The following LUZP2 variants were observed in gnomAD, a reference collection of about 807,000 sequenced individuals.
LUZP2 encodes the protein leucine zipper protein 2.
LUZP2 carries 52 observed loss-of-function variants against 51.6 expected under a neutral mutation model. The ratio of observed to expected loss-of-function variants is 1.01; its 90% confidence interval spans 0.81 to 1.27. The LOEUF (loss-of-function observed/expected upper bound fraction) is 1.27, where lower values mean the gene tolerates loss of function less well. LUZP2 is among the 50% of genes most tolerant of loss of function. The pLI, the probability that LUZP2 is intolerant of heterozygous loss-of-function variation, is 0.00. For synonymous variants in LUZP2, 154 were observed against 137.3 expected (o/e 1.12, Z -0.85); for missense variants, 436 against 395.4 (o/e 1.10, Z -0.87).
At chr11:24,587,011 T>C (rs908368709) in intron 1 of LUZP2, among the ~76,000 whole-genome samples, 4 of 152,082 alleles carry the variant, frequency 2.6e-5, no homozygotes, top group African/African-American at 9.7e-5. Flanking sequence ...ATAATTTTTT[T>C]AAAAAATTGC....
At chr11:24,916,256 C>T (rs984647797) in intron 7 of LUZP2, among the ~76,000 whole-genome samples, 63 of 152,004 alleles carry the variant, frequency 4.1e-4, no homozygotes, top group African/African-American at 1.5e-3. Context: ...TTTATATCCT[C>T]CTTGATTCCA....
chr11:24,626,750 A>G (rs1220720922), intron 1 of LUZP2, among the ~76,000 whole-genome samples: 2 of 149,214 alleles, frequency 1.3e-5, no homozygotes, highest in African/African-American at 5.0e-5. Flanking sequence ...TAAAATCAAT[A>G]CTGAGAAGAT....
intron 9 of LUZP2, among the ~76,000 whole-genome samples, chr11:25,028,878 T>G (rs1328073083): frequency 6.6e-6 from 1 of 152,186 alleles, no homozygotes. Context: ...TAAATCATTT[T>G]GCTTATTTGG....
chr11:25,021,564 T>C (rs779399443), intron 9 of LUZP2, among the ~76,000 whole-genome samples: 1 of 151,534 alleles, frequency 6.6e-6, no homozygotes, highest in Non-Finnish European at 1.5e-5. Flanking sequence ...TAGTGTGTGT[T>C]TGAGGTATTA....
chr11:24,857,659 G>A (rs1851612153), intron 5 of LUZP2, among the ~76,000 whole-genome samples: 1 of 151,048 alleles, frequency 6.6e-6, no homozygotes, highest in South Asian at 2.1e-4. Flanking sequence ...GTGAACGCTT[G>A]AAAAAGTGAT....
chr11:24,764,490 TAAAAAAAAAA>T (rs869045272), intron 5 of LUZP2, among the ~76,000 whole-genome samples: 5,031 of 94,040 alleles, frequency 0.053, 321 homozygotes, highest in African/African-American at 0.15. Context: ...ATCTCATCTC[TAAAAAAAAAA>T]AAAAAAAAAA....
intron 6 of LUZP2, among the ~76,000 whole-genome samples, chr11:24,912,953 T>C (rs1352106551): frequency 6.6e-6 from 1 of 152,212 alleles, no homozygotes; most frequent in East Asian, 1.9e-4. Context: ...AAAAAGGGCT[T>C]GTATATCAAC....
intron 5 of LUZP2, among the ~76,000 whole-genome samples, chr11:24,775,320 G>A (rs1565131972): frequency 1.3e-5 from 2 of 152,024 alleles, no homozygotes; most frequent in African/African-American, 4.8e-5. Flanking sequence ...CATTTTGATA[G>A]TGCATTGTGG....
intron 1 of LUZP2, among the ~76,000 whole-genome samples, chr11:24,583,325 GTCCCTTTAT>G (rs1852941884): frequency 6.6e-6 from 1 of 152,062 alleles, no homozygotes; most frequent in East Asian, 1.9e-4. Context: ...CTTACACTCT[GTCCCTTTAT>G]TCTCTGCTAG....
chr11:24,863,204 T>G (rs1022854304), intron 5 of LUZP2, among the ~76,000 whole-genome samples: 3 of 152,206 alleles, frequency 2.0e-5, no homozygotes, highest in Non-Finnish European at 4.4e-5. Context: ...TTCCTAAATA[T>G]GTATGCAAAA....
intron 1 of LUZP2, among the ~76,000 whole-genome samples, chr11:24,630,386 C>T (rs549150193): frequency 3.3e-5 from 5 of 151,864 alleles, no homozygotes; most frequent in African/African-American, 7.2e-5. Context: ...AATAAGGGTC[C>T]GGTTTTATTC....
chr11:24,637,548 A>G (rs1228801535), intron 1 of LUZP2, among the ~76,000 whole-genome samples: 1 of 151,828 alleles, frequency 6.6e-6, no homozygotes, highest in Admixed American at 6.6e-5. Flanking sequence ...TAGGAGAGAT[A>G]TTGCTGAATT....
At chr11:25,010,080 C>A (rs1856939600) in intron 9 of LUZP2, among the ~76,000 whole-genome samples, 1 of 152,170 alleles carries the variant, frequency 6.6e-6, no homozygotes, top group Non-Finnish European at 1.5e-5. Flanking sequence ...TGGTACCATT[C>A]CAGAATTTCC....
chr11:24,519,792 TA>T (rs1002769122), intron 1 of LUZP2, among the ~76,000 whole-genome samples: 1 of 152,210 alleles, frequency 6.6e-6, no homozygotes, highest in African/African-American at 2.4e-5. Flanking sequence ...GCATCTTTTT[TA>T]AAAAAGGCTT....
intron 1 of LUZP2, among the ~76,000 whole-genome samples, chr11:24,678,083 G>T (rs974836790): frequency 7.3e-6 from 1 of 137,118 alleles, no homozygotes; most frequent in Non-Finnish European, 1.6e-5. Context: ...AAAGGGGGGG[G>T]GGGGTGATTA....
At chr11:24,748,541 C>A (rs1477634890) in intron 4 of LUZP2, among the ~76,000 whole-genome samples, 3 of 151,808 alleles carry the variant, frequency 2.0e-5, no homozygotes, top group Non-Finnish European at 2.9e-5. Context: ...CTCCCTGCAA[C>A]CTCCACCACC....
chr11:25,037,761 T>C (rs1414731258), intron 9 of LUZP2, among the ~76,000 whole-genome samples: 2 of 152,284 alleles, frequency 1.3e-5, no homozygotes, highest in Admixed American at 1.3e-4. Flanking sequence ...ATTTTTTTTT[T>C]CTTCATGAAT....
intron 1 of LUZP2, among the ~76,000 whole-genome samples, chr11:24,544,448 A>G (rs1012299886): frequency 6.6e-6 from 1 of 151,942 alleles, no homozygotes; most frequent in African/African-American, 2.4e-5. Flanking sequence ...CCCACACTCC[A>G]CCTTCCAATA....
intron 7 of LUZP2, among the ~76,000 whole-genome samples, chr11:24,936,273 T>G (rs1211164019): frequency 6.6e-6 from 1 of 152,196 alleles, no homozygotes; most frequent in Non-Finnish European, 1.5e-5. Context: ...CACTACCAAT[T>G]AAATCATTAT....
Sources: allele counts gnomAD v4.1 joint callset (sites outside exome capture counted in the v4.1 genomes callset), GRCh38; gene constraint gnomAD v4.1.1; transcripts MANE v1.5; gene names NCBI Gene and HGNC (gene_info 2026-07-23, HGNC 2026-07-21).